Variants in GNB1 observed in about 807,000 individuals in gnomAD.
GNB1 encodes G protein subunit beta 1, also known as guanine nucleotide-binding protein G(I)/G(S)/G(T) subunit beta-1.
A neutral mutation model predicts 42.9 loss-of-function variants in GNB1; 2 were observed. The observed-to-expected ratio is 0.05, with a 90% confidence interval of 0.02 to 0.15. The LOEUF (loss-of-function observed/expected upper bound fraction) is 0.15, where lower values mean the gene tolerates loss of function less well. Ranked by LOEUF, GNB1 falls within the 10% of genes least tolerant of loss-of-function variation. The pLI is 1.00. For synonymous variants in GNB1, 183 were observed against 174.7 expected (o/e 1.05, Z -0.38); for missense variants, 193 against 462.2 (o/e 0.42, Z 5.34).
intron 8 of GNB1, among the ~76,000 whole-genome samples, chr1:1,791,344 T>C (rs1646478976): frequency 6.6e-6 from 1 of 151,896 alleles, no homozygotes; most frequent in Non-Finnish European, 1.5e-5. Context: ...GCTAATTTTG[T>C]TTGTATTTTT....
chr1:1,832,081 AAAAG>A (rs1220156842), intron 2 of GNB1, among the ~76,000 whole-genome samples: 2 of 149,764 alleles, frequency 1.3e-5, no homozygotes, highest in South Asian at 2.1e-4. Context: ...AAAAAAAAAG[AAAAG>A]AAAAAAGAAA....
At chr1:1,874,356 C>T (rs551271383) in intron 1 of GNB1, among the ~76,000 whole-genome samples, 20 of 152,080 alleles carry the variant, frequency 1.3e-4, no homozygotes, top group Non-Finnish European at 2.6e-4. Context: ...TGTCTGTAAT[C>T]CTAGCACTTT....
Position 1,886,365 on chromosome 1 carries a change from G to A in GNB1, c.-96+4455C>T, listed in dbSNP as rs563420842. Among the ~76,000 whole-genome samples the A allele has an allele frequency of 2.6e-5, 4 of 152,234 alleles. No homozygotes were observed. In the South Asian group the frequency reaches 8.3e-4, roughly 32 times the overall value. ...CACTAATCCACTAGCAAACTCAAAT[G>A]TCTATAGATTGTCTCTATTTCTTCA... On this transcript the variant is annotated intron_variant, in intron 1 of 11. Coordinates refer to ENST00000378609, the MANE Select transcript of GNB1 (RefSeq NM_002074.5).
In GNB1 at chr1:1,786,897, C is replaced by G. The variant is rs529197287; in HGVS notation, c.*166G>C. 1 of 153,106 alleles carries G rather than the reference C, an allele frequency of 6.5e-6. No individual in the cohort carries two copies. Among genetic ancestry groups the G allele is most frequent in the Admixed American group, 6.5e-5 (1 of 15,300 alleles). 9.5% of individuals were successfully genotyped at this position (153,106 alleles called of 1,614,324 possible). On this transcript the variant is annotated 3_prime_UTR_variant, in exon 12 of 12. Transcript: ENST00000378609. ...TCTTTCTCTCAATGGGAATTGTGCT[C>G]TTGGTTTCAGCAATAAGTGAAGGAA...
At chr1:1,850,296 A>T (rs1009778195) in intron 1 of GNB1, among the ~76,000 whole-genome samples, 2 of 151,890 alleles carry the variant, frequency 1.3e-5, no homozygotes, top group Non-Finnish European at 2.9e-5. Context: ...ACACCCTGCT[A>T]ATTTTTTTTA....
At chr1:1,817,732 T>TGC (rs1244073501) in intron 4 of GNB1, 105 bp downstream of exon 4, 24 of 731,964 alleles carry the variant, frequency 3.3e-5, no homozygotes, top group Non-Finnish European at 5.0e-5. Flanking sequence ...GCATCCTCAC[T>TGC]GCGCAACAGA....
At chr1:1,877,125 A>AC in intron 1 of GNB1, among the ~76,000 whole-genome samples, 1 of 151,922 alleles carries the variant, frequency 6.6e-6, no homozygotes, top group East Asian at 1.9e-4. Flanking sequence ...ACATGGTGAA[A>AC]CCCCGTCTCT....
At chr1:1,886,738 G>A (rs1006715637) in intron 1 of GNB1, among the ~76,000 whole-genome samples, 5 of 152,068 alleles carry the variant, frequency 3.3e-5, no homozygotes, top group African/African-American at 7.2e-5. Context: ...ACGGAGTCTC[G>A]CTGTGTCGCC....
intron 2 of GNB1, among the ~76,000 whole-genome samples, chr1:1,836,686 G>A (rs547369040): frequency 3.7e-4 from 56 of 152,126 alleles, no homozygotes; most frequent in Non-Finnish European, 6.6e-4. Context: ...AAATGGCCGG[G>A]ATTATAGGCA....
intron 1 of GNB1, among the ~76,000 whole-genome samples, chr1:1,856,532 AT>A (rs1225164040): frequency 1.3e-5 from 2 of 152,232 alleles, no homozygotes; most frequent in East Asian, 3.9e-4. Flanking sequence ...GGTTCAGGTG[AT>A]TCTCCTGCCT....
chr1:1,786,005 A>G lies in GNB1; in HGVS notation c.*1058T>C, dbSNP rs1274994726. ...CTGAGTCCCATATGCACTTTTGAGC[A>G]TTTCTACAGCATGCGATTCTAAGAG... On this transcript the variant is annotated 3_prime_UTR_variant, in exon 12 of 12. Coordinates refer to ENST00000378609, the MANE Select transcript of GNB1 (RefSeq NM_002074.5). 1 of 398,754 alleles carries G rather than the reference A, an allele frequency of 2.5e-6. No individual in the cohort carries two copies. Among genetic ancestry groups the G allele is most frequent in the African/African-American group, 2.1e-5 (1 of 48,614 alleles). 24.7% of individuals were successfully genotyped at this position (398,754 alleles called of 1,614,324 possible). A position where few individuals can be genotyped will look rare whatever the true frequency, so the allele number is the denominator to read the frequency against.
At chr1:1,792,187 C>T (rs1646489212) in intron 8 of GNB1, among the ~76,000 whole-genome samples, 1 of 152,128 alleles carries the variant, frequency 6.6e-6, no homozygotes. Context: ...TTCCGTTTAC[C>T]TGTAAGGTGA....
At chr1:1,818,933 C>T (rs886274677) in intron 3 of GNB1, among the ~76,000 whole-genome samples, 4 of 151,876 alleles carry the variant, frequency 2.6e-5, no homozygotes, top group East Asian at 1.9e-4. Flanking sequence ...CTATGGAAAA[C>T]GAGCAAGGGA....
At chr1:1,809,223 T>TCA (rs1646743999) in intron 5 of GNB1, among the ~76,000 whole-genome samples, 1 of 140,890 alleles carries the variant, frequency 7.1e-6, no homozygotes, top group South Asian at 2.2e-4. Flanking sequence ...AGAGAGAGTC[T>TCA]CACTCTGTCA....
chr1:1,791,997 G>A (rs1570621852), intron 8 of GNB1, among the ~76,000 whole-genome samples: 2 of 151,924 alleles, frequency 1.3e-5, no homozygotes. Context: ...CACCAACTGC[G>A]TGACTAGGGG....
At chr1:1,867,442 G>A (rs1483462354) in intron 1 of GNB1, among the ~76,000 whole-genome samples, 1 of 152,116 alleles carries the variant, frequency 6.6e-6, no homozygotes, top group East Asian at 1.9e-4. Context: ...CTACCCTCAT[G>A]GAGCTTATAT....
At chr1:1,830,440 T>G (rs1041275556) in intron 2 of GNB1, among the ~76,000 whole-genome samples, 1 of 151,650 alleles carries the variant, frequency 6.6e-6, no homozygotes, top group Non-Finnish European at 1.5e-5. Context: ...TTTTTATATT[T>G]TTAGTAGGGA....
At chr1:1,805,096 A>C (rs1172228848) in intron 6 of GNB1, among the ~76,000 whole-genome samples, 4 of 152,226 alleles carry the variant, frequency 2.6e-5, no homozygotes, top group Admixed American at 2.0e-4. Flanking sequence ...CGGGAGGCGG[A>C]GGTTGCAGTG....
chr1:1,831,784 C>G (rs911195656), intron 2 of GNB1, among the ~76,000 whole-genome samples: 1 of 149,458 alleles, frequency 6.7e-6, no homozygotes, highest in Admixed American at 6.7e-5. Flanking sequence ...TAGGTCTGGG[C>G]GCGGTGGCTC....
Sources: allele counts gnomAD v4.1 joint callset (sites outside exome capture counted in the v4.1 genomes callset), GRCh38; gene constraint gnomAD v4.1.1; transcripts MANE v1.5; gene names NCBI Gene and HGNC (gene_info 2026-07-23, HGNC 2026-07-21).